The following TCF7L2 variants were observed in gnomAD, a reference collection of about 807,000 sequenced individuals.
The protein encoded by TCF7L2 is transcription factor 7-like 2.
In TCF7L2, 23 loss-of-function variants were observed where a neutral mutation model predicts 77.9. That is an observed-to-expected ratio of 0.30 (90% confidence interval 0.21 to 0.42). The LOEUF (loss-of-function observed/expected upper bound fraction) is 0.42, where lower values mean the gene tolerates loss of function less well. Among genes scored for constraint, TCF7L2 ranks in the 10% least tolerant of loss-of-function variants. TCF7L2 has a pLI of 1.00. For missense variants in TCF7L2, 654 were observed against 793.1 expected (o/e 0.82, Z 2.11); for synonymous variants, 413 against 340.2 (o/e 1.21, Z -2.36).
At chr10:113,101,950 G>C (rs879696897) in intron 5 of TCF7L2, among the ~76,000 whole-genome samples, 21 of 150,206 alleles carry the variant, frequency 1.4e-4, no homozygotes, top group Middle Eastern at 3.3e-3. Flanking sequence ...ACCAGCCTGG[G>C]CAACATAGTG....
At chr10:112,989,730 C>T (rs1375665612) in intron 4 of TCF7L2, among the ~76,000 whole-genome samples, 3 of 152,170 alleles carry the variant, frequency 2.0e-5, no homozygotes, top group Non-Finnish European at 2.9e-5. Context: ...TTTTAAAACA[C>T]AGCAGCGTGA....
chr10:113,070,528 G>A (rs73360232), intron 5 of TCF7L2, among the ~76,000 whole-genome samples: 231 of 152,136 alleles, frequency 1.5e-3, no homozygotes, highest in African/African-American at 5.3e-3. Context: ...AGAGCCCTGC[G>A]GGAATCATCA....
At chr10:113,157,750 A>G (rs1194603711) in intron 11 of TCF7L2, 4 of 356,160 alleles carry the variant, frequency 1.1e-5, no homozygotes, top group East Asian at 5.6e-5. Context: ...AGGTTTGACA[A>G]TGGACATAGG....
intron 4 of TCF7L2, among the ~76,000 whole-genome samples, chr10:113,024,616 CTTT>C (rs377705347): frequency 4.0e-5 from 5 of 124,790 alleles, no homozygotes; most frequent in Admixed American, 2.6e-4. Flanking sequence ...TATATAAACC[CTTT>C]TTTTTTTTTT....
intron 5 of TCF7L2, among the ~76,000 whole-genome samples, chr10:113,136,158 C>G (rs2067357181): frequency 6.6e-6 from 1 of 152,208 alleles, no homozygotes; most frequent in Non-Finnish European, 1.5e-5. Context: ...ATGCCGACTA[C>G]TTCATAGGCT....
At chr10:113,107,972 T>C (rs900180865) in intron 5 of TCF7L2, among the ~76,000 whole-genome samples, 14 of 152,062 alleles carry the variant, frequency 9.2e-5, no homozygotes, top group Middle Eastern at 6.3e-3. Flanking sequence ...AAAAACTGAA[T>C]GTAAGGAAAG....
chr10:112,966,019 G>A (rs934652620), intron 4 of TCF7L2, among the ~76,000 whole-genome samples: 28 of 151,164 alleles, frequency 1.9e-4, no homozygotes, highest in Non-Finnish European at 3.7e-4. Context: ...ACTAAAAAAT[G>A]TAAAAGTTAG....
At chr10:113,122,502 A>G (rs1247457534) in intron 5 of TCF7L2, among the ~76,000 whole-genome samples, 2 of 152,222 alleles carry the variant, frequency 1.3e-5, no homozygotes, top group South Asian at 4.1e-4. Context: ...ATTCTTATCT[A>G]TATACCATTT....
intron 5 of TCF7L2, among the ~76,000 whole-genome samples, chr10:113,107,039 T>TGTG (rs2062418290): frequency 6.6e-6 from 1 of 152,234 alleles, no homozygotes; most frequent in Non-Finnish European, 1.5e-5. Flanking sequence ...CTTCTGCCCT[T>TGTG]AGCACTCCCA....
chr10:113,161,085 T>C, intron 13 of TCF7L2: 1 of 248,094 alleles, frequency 4.0e-6, no homozygotes, highest in East Asian at 9.1e-5. Context: ...TTGGCAGCAA[T>C]TGCATTCCCG....
chr10:113,049,801 TTAGAATGGAGAGCC>T (rs1376225908), intron 5 of TCF7L2, among the ~76,000 whole-genome samples: 1 of 152,176 alleles, frequency 6.6e-6, no homozygotes, highest in Non-Finnish European at 1.5e-5. Flanking sequence ...ACCCAAGAGC[TTAGAATGGAGAGCC>T]TAGATGCCAC....
chr10:113,032,658 T>C (rs1164685363), intron 4 of TCF7L2, among the ~76,000 whole-genome samples: 1 of 152,162 alleles, frequency 6.6e-6, no homozygotes, highest in Non-Finnish European at 1.5e-5. Context: ...TAAGTCAGGG[T>C]GAGTGAAAAC....
At chr10:113,064,267 A>G (rs1336456151) in intron 5 of TCF7L2, among the ~76,000 whole-genome samples, 1 of 152,244 alleles carries the variant, frequency 6.6e-6, no homozygotes, top group Non-Finnish European at 1.5e-5. Context: ...GGGAGGGGCC[A>G]GGCCCAAATG....
intron 4 of TCF7L2, among the ~76,000 whole-genome samples, chr10:112,975,151 A>G (rs1255000814): frequency 1.3e-5 from 2 of 152,178 alleles, no homozygotes. Flanking sequence ...AAAAGTAGGT[A>G]CGTGTACTAT....
At chr10:112,964,126 G>A (rs2035951422) in intron 3 of TCF7L2, among the ~76,000 whole-genome samples, 2 of 152,168 alleles carry the variant, frequency 1.3e-5, no homozygotes, top group Non-Finnish European at 1.5e-5. Context: ...TTGCAGTCTT[G>A]TGGCTTCTCA....
intron 5 of TCF7L2, among the ~76,000 whole-genome samples, chr10:113,122,739 G>A (rs915374640): frequency 3.9e-5 from 6 of 152,132 alleles, no homozygotes; most frequent in Admixed American, 6.5e-5. Context: ...GATTATTAGC[G>A]GAATTTCTAG....
intron 4 of TCF7L2, among the ~76,000 whole-genome samples, chr10:112,997,948 C>A (rs907771736): frequency 6.6e-6 from 1 of 151,952 alleles, no homozygotes; most frequent in Non-Finnish European, 1.5e-5. Flanking sequence ...GTATTACAAC[C>A]CCGTGTGCAA....
chr10:113,093,041 C>A (rs148886553), intron 5 of TCF7L2, among the ~76,000 whole-genome samples: 12 of 152,290 alleles, frequency 7.9e-5, no homozygotes, highest in African/African-American at 2.9e-4. Flanking sequence ...TTCCCCGCTC[C>A]GTGATGCAAT....
intron 5 of TCF7L2, among the ~76,000 whole-genome samples, chr10:113,070,642 A>AAGAG (rs1686932919): frequency 6.6e-6 from 1 of 152,168 alleles, no homozygotes; most frequent in Admixed American, 6.5e-5. Context: ...CTGAAGTCTC[A>AAGAG]AGCACATTAA....
Sources: allele counts gnomAD v4.1 joint callset (sites outside exome capture counted in the v4.1 genomes callset), GRCh38; gene constraint gnomAD v4.1.1; transcripts MANE v1.5; gene names NCBI Gene and HGNC (gene_info 2026-07-23, HGNC 2026-07-21).